Variants in EBF1 observed in about 807,000 individuals in gnomAD.
The protein encoded by EBF1 is transcription factor COE1.
A neutral mutation model predicts 68.4 loss-of-function variants in EBF1; 10 were observed. The observed-to-expected ratio is 0.15, with a 90% CI of 0.09 to 0.25. The LOEUF is 0.25. Among genes scored for constraint, EBF1 ranks in the 10% least tolerant of loss-of-function variants. The pLI is 1.00. For synonymous variants in EBF1, 298 were observed against 299.8 expected (o/e 0.99, Z 0.06); for missense variants, 509 against 794.4 (o/e 0.64, Z 4.32).
intron 6 of EBF1, among the ~76,000 whole-genome samples, chr5:159,050,308 G>C (rs766959460): frequency 6.7e-6 from 1 of 150,030 alleles, no homozygotes; most frequent in Non-Finnish European, 1.5e-5. Flanking sequence ...CTGTATCCCT[G>C]TCTGTCTCTT....
intron 5 of EBF1, among the ~76,000 whole-genome samples, chr5:159,080,538 C>G (rs1338950869): frequency 6.6e-6 from 1 of 152,214 alleles, no homozygotes; most frequent in African/African-American, 2.4e-5. Context: ...AGACATTTCA[C>G]TTTGATTCAA....
intron 6 of EBF1, among the ~76,000 whole-genome samples, chr5:158,921,921 C>T (rs1808525864): frequency 6.6e-6 from 1 of 152,200 alleles, no homozygotes; most frequent in African/African-American, 2.4e-5. Context: ...CTGTAAAACT[C>T]AGCATCAAAA....
At chr5:158,872,589 C>T (rs1354308710) in intron 6 of EBF1, among the ~76,000 whole-genome samples, 1 of 152,146 alleles carries the variant, frequency 6.6e-6, no homozygotes, top group Non-Finnish European at 1.5e-5. Flanking sequence ...TTAAAACCTG[C>T]TTAGCACACA....
intron 6 of EBF1, among the ~76,000 whole-genome samples, chr5:158,901,051 C>T (rs895702479): frequency 6.6e-6 from 1 of 152,146 alleles, no homozygotes; most frequent in African/African-American, 2.4e-5. Context: ...ACTCACTGCC[C>T]TCAAGGCAGT....
intron 6 of EBF1, among the ~76,000 whole-genome samples, chr5:158,931,515 C>T (rs1024311841): frequency 2.0e-5 from 3 of 152,168 alleles, no homozygotes; most frequent in Non-Finnish European, 4.4e-5. Context: ...AGTCAGTTCC[C>T]TGAAACATCT....
At chr5:158,714,770 G>C (rs1382663904) in intron 11 of EBF1, among the ~76,000 whole-genome samples, 1 of 152,124 alleles carries the variant, frequency 6.6e-6, no homozygotes, top group East Asian at 1.9e-4. Flanking sequence ...TGTCCTCAGA[G>C]GCCCCCTCTG....
At chr5:159,053,754 A>C (rs1466113688) in intron 6 of EBF1, among the ~76,000 whole-genome samples, 1 of 152,224 alleles carries the variant, frequency 6.6e-6, no homozygotes, top group Non-Finnish European at 1.5e-5. Flanking sequence ...AAGGAACATA[A>C]TTACCAACTT....
intron 6 of EBF1, among the ~76,000 whole-genome samples, chr5:158,942,135 T>C (rs1380556180): frequency 6.6e-6 from 1 of 152,246 alleles, no homozygotes; most frequent in Non-Finnish European, 1.5e-5. Flanking sequence ...TCTGACAAAC[T>C]GTGCTATATA....
intron 12 of EBF1, among the ~76,000 whole-genome samples, chr5:158,713,901 C>T (rs959407442): frequency 6.6e-6 from 1 of 152,156 alleles, no homozygotes; most frequent in Non-Finnish European, 1.5e-5. Flanking sequence ...AAATGGAGTA[C>T]CTTTTCTCAT....
At chr5:158,915,569 A>G (rs774351827) in intron 6 of EBF1, among the ~76,000 whole-genome samples, 2 of 152,106 alleles carry the variant, frequency 1.3e-5, no homozygotes, top group Non-Finnish European at 1.5e-5. Context: ...ATGTAAAGCA[A>G]TCGGGGTGGG....
intron 6 of EBF1, among the ~76,000 whole-genome samples, chr5:158,951,144 C>T (rs1340211361): frequency 1.3e-5 from 2 of 152,196 alleles, no homozygotes; most frequent in East Asian, 3.8e-4. Flanking sequence ...TCATACATTA[C>T]TTTTGCATTA....
rs1198654175 is a variant in EBF1 at position 158,834,723 on chromosome 5, G to A, written c.636+5306C>T. 2.0e-5 allele frequency among the ~76,000 whole-genome samples: 3 copies of A among 152,178 alleles called. No homozygotes were observed. In the East Asian group the frequency reaches 5.8e-4, roughly 29 times the overall value. On this transcript the variant is annotated intron_variant, in intron 7 of 15. Coordinates refer to ENST00000313708, the MANE Select transcript of EBF1 (RefSeq NM_024007.5). ...TTTGCTTGACAGAATGTCTTTCCAT[G>A]TCAAGAGATCAACAACCTTTCTTAT...
intron 7 of EBF1, among the ~76,000 whole-genome samples, chr5:158,832,616 G>C (rs1230782270): frequency 6.6e-6 from 1 of 152,214 alleles, no homozygotes; most frequent in Non-Finnish European, 1.5e-5. Context: ...CTGGGAGTCG[G>C]TGGAGGAGAA....
At chr5:159,020,414 C>T (rs1766439340) in intron 6 of EBF1, among the ~76,000 whole-genome samples, 1 of 152,200 alleles carries the variant, frequency 6.6e-6, no homozygotes, top group Non-Finnish European at 1.5e-5. Context: ...AAGGCTCTGC[C>T]TCAACCCAGC....
chr5:158,876,577 ACTT>A (rs1797847393), intron 6 of EBF1, among the ~76,000 whole-genome samples: 5 of 152,182 alleles, frequency 3.3e-5, no homozygotes, highest in Admixed American at 3.3e-4. Flanking sequence ...TACTGCAAGA[ACTT>A]CAGGAAAAAC....
intron 6 of EBF1, among the ~76,000 whole-genome samples, chr5:158,991,785 T>C (rs1760377369): frequency 6.6e-6 from 1 of 152,210 alleles, no homozygotes; most frequent in Admixed American, 6.5e-5. Context: ...CTTTTGCATA[T>C]AAAATTCAAG....
chr5:158,978,484 AC>A (rs1757219903), intron 6 of EBF1, among the ~76,000 whole-genome samples: 1 of 152,058 alleles, frequency 6.6e-6, no homozygotes, highest in Non-Finnish European at 1.5e-5. Flanking sequence ...AGAAGCCTTA[AC>A]CTTTAAGGCA....
intron 6 of EBF1, among the ~76,000 whole-genome samples, chr5:159,054,883 C>T (rs780621496): frequency 6.6e-6 from 1 of 152,168 alleles, no homozygotes; most frequent in Non-Finnish European, 1.5e-5. Flanking sequence ...GGTCCACGTG[C>T]CTCACATTTT....
intron 6 of EBF1, among the ~76,000 whole-genome samples, chr5:159,020,561 A>C (rs921734624): frequency 6.6e-6 from 1 of 152,184 alleles, no homozygotes; most frequent in Non-Finnish European, 1.5e-5. Flanking sequence ...TGTCCAGCTC[A>C]AGTCCCATTT....
Sources: allele counts gnomAD v4.1 joint callset (sites outside exome capture counted in the v4.1 genomes callset), GRCh38; gene constraint gnomAD v4.1.1; transcripts MANE v1.5; gene names NCBI Gene and HGNC (gene_info 2026-07-23, HGNC 2026-07-21).